Variants in TMPRSS15 observed in about 807,000 individuals in gnomAD.
The protein encoded by TMPRSS15 is enteropeptidase.
In TMPRSS15, 128 loss-of-function variants were observed where a neutral mutation model predicts 125.3. The observed-to-expected ratio is 1.02, with a 90% CI of 0.89 to 1.18. The LOEUF (loss-of-function observed/expected upper bound fraction) is 1.18, where lower values mean the gene tolerates loss of function less well. Among genes scored for constraint, TMPRSS15 ranks in the 50% most tolerant of loss-of-function variants. The pLI, the probability that TMPRSS15 is intolerant of heterozygous loss-of-function variation, is 0.00. For synonymous variants in TMPRSS15, 446 were observed against 423.2 expected (o/e 1.05, Z -0.66); for missense variants, 1,283 against 1,212.7 (o/e 1.06, Z -0.86).
At chr21:18,474,012 TAAAC>T (rs1978829103) in intron 1 of TMPRSS15, among the ~76,000 whole-genome samples, 2 of 152,290 alleles carry the variant, frequency 1.3e-5, no homozygotes, top group South Asian at 4.1e-4. Context: ...CAGATGGTAT[TAAAC>T]AAAGACTAGA....
rs999992893 is a variant in TMPRSS15, at chr21:18,269,704, TA to T, written c.*264del. 6 of 378,408 alleles carry T rather than the reference TA, an allele frequency of 1.6e-5. No homozygotes were observed. Among genetic ancestry groups the T allele is most frequent in the African/African-American group, 1.0e-4 (5 of 48,428 alleles). The allele number at this position is 378,408 out of a possible 1,614,324, so 23.4% of individuals were successfully genotyped here. A position where few individuals can be genotyped will look rare whatever the true frequency, so the allele number is the denominator to read the frequency against. Reference sequence around the variant, plus strand: ...TAATAAAAATAATCATTAAGAATTTTAAAAATGAGATCTGTGAAGAAATACC... The same window carrying T: ...TAATAAAAATAATCATTAAGAATTTTAAAATGAGATCTGTGAAGAAATACC... On this transcript the variant is annotated 3_prime_UTR_variant, in exon 25 of 25. Transcript: ENST00000284885.
At chr21:18,391,860 G>A (rs1490102134) in intron 3 of TMPRSS15, among the ~76,000 whole-genome samples, 1 of 152,248 alleles carries the variant, frequency 6.6e-6, no homozygotes, top group Non-Finnish European at 1.5e-5. Context: ...TCTAGGCAGA[G>A]GTTCCCAAAC....
chr21:18,457,511 G>A (rs868543263), intron 1 of TMPRSS15, among the ~76,000 whole-genome samples: 13 of 152,226 alleles, frequency 8.5e-5, no homozygotes, highest in Middle Eastern at 3.4e-3. Context: ...AAGTTTCAAT[G>A]TGTGATTATC....
intron 1 of TMPRSS15, among the ~76,000 whole-genome samples, chr21:18,416,846 C>T (rs1174550733): frequency 6.6e-6 from 1 of 152,012 alleles, no homozygotes; most frequent in East Asian, 1.9e-4. Flanking sequence ...ATTGATGACA[C>T]ATTTTCTATG....
intron 1 of TMPRSS15, among the ~76,000 whole-genome samples, chr21:18,423,230 T>TC (rs34548538): frequency 6.6e-6 from 1 of 152,044 alleles, no homozygotes; most frequent in African/African-American, 2.4e-5. Context: ...AATTGCCTCC[T>TC]CCCCCAACTG....
At chr21:18,277,272 A>G (rs1568976700) in intron 23 of TMPRSS15, among the ~76,000 whole-genome samples, 1 of 152,128 alleles carries the variant, frequency 6.6e-6, no homozygotes, top group Non-Finnish European at 1.5e-5. Flanking sequence ...TATCTTTAGT[A>G]ACAATAAGTA....
chr21:18,312,872 T>C, intron 18 of TMPRSS15, 73 bp downstream of exon 18: 1 of 1,576,508 alleles, frequency 6.3e-7, no homozygotes, highest in Admixed American at 1.7e-5. Flanking sequence ...TTTAAAGCTC[T>C]TATTAAACCT....
At chr21:18,419,094 A>G (rs1762003343) in intron 1 of TMPRSS15, among the ~76,000 whole-genome samples, 1 of 152,184 alleles carries the variant, frequency 6.6e-6, no homozygotes, top group Admixed American at 6.5e-5. Context: ...TTTATCTAAT[A>G]GTTGCTGAAG....
At chr21:18,333,860 A>ATC (rs1555899461) in intron 13 of TMPRSS15, among the ~76,000 whole-genome samples, 1 of 151,654 alleles carries the variant, frequency 6.6e-6, no homozygotes, top group Non-Finnish European at 1.5e-5. Context: ...TAATGTAAAA[A>ATC]ATCAACTATT....
intron 13 of TMPRSS15, among the ~76,000 whole-genome samples, chr21:18,340,221 G>C (rs140037015): frequency 6.6e-6 from 1 of 152,268 alleles, no homozygotes; most frequent in East Asian, 1.9e-4. Context: ...AGCACAGCTA[G>C]AATAAAAGCA....
intron 6 of TMPRSS15, 62 bp downstream of exon 6, chr21:18,372,131 T>A: frequency 7.0e-7 from 1 of 1,418,828 alleles, no homozygotes; most frequent in Non-Finnish European, 9.9e-7. Context: ...TGTGTGTGTG[T>A]GTGTGTGTCT....
chr21:18,474,647 G>T (rs2123286252), intron 1 of TMPRSS15, among the ~76,000 whole-genome samples: 1 of 152,262 alleles, frequency 6.6e-6, no homozygotes, highest in South Asian at 2.1e-4. Context: ...TGGCTGTTAT[G>T]ATCAACAAAG....
intron 14 of TMPRSS15, 139 bp downstream of exon 14, chr21:18,331,945 T>C (rs1052895995): frequency 2.8e-6 from 2 of 724,442 alleles, no homozygotes; most frequent in South Asian, 1.5e-5. Context: ...TTTTTGTTGT[T>C]ATATTAAGCA....
intron 1 of TMPRSS15, among the ~76,000 whole-genome samples, chr21:18,409,304 T>C (rs1406493538): frequency 6.6e-6 from 1 of 152,172 alleles, no homozygotes; most frequent in Admixed American, 6.5e-5. Flanking sequence ...TAAATTGGCA[T>C]TGATTATTCT....
chr21:18,468,959 C>T (rs974344331), intron 1 of TMPRSS15, among the ~76,000 whole-genome samples: 6 of 152,162 alleles, frequency 3.9e-5, no homozygotes, highest in Non-Finnish European at 8.8e-5. Context: ...ACGACTTCCT[C>T]TGAATGAAAG....
At chr21:18,329,436 C>A (rs192186457) in intron 14 of TMPRSS15, 142 bp from the exon 15 acceptor site, 19 of 726,146 alleles carry the variant, frequency 2.6e-5, no homozygotes, top group Middle Eastern at 9.4e-4. Flanking sequence ...CAAGGTGTTT[C>A]TTTTTTCTTT....
At chr21:18,429,053 A>C (rs1283620146) in intron 1 of TMPRSS15, among the ~76,000 whole-genome samples, 1 of 152,174 alleles carries the variant, frequency 6.6e-6, no homozygotes, top group Non-Finnish European at 1.5e-5. Context: ...CATCAGCATC[A>C]GTGTGACCTG....
chr21:18,442,423 A>AT, intron 1 of TMPRSS15, among the ~76,000 whole-genome samples: 1 of 152,144 alleles, frequency 6.6e-6, no homozygotes, highest in East Asian at 1.9e-4. Flanking sequence ...CCTTACATAT[A>AT]TTTTTCATTC....
At chr21:18,483,719 T>C (rs1400530449) in intron 1 of TMPRSS15, among the ~76,000 whole-genome samples, 1 of 151,942 alleles carries the variant, frequency 6.6e-6, no homozygotes, top group African/African-American at 2.4e-5. Context: ...ACAACTCATC[T>C]CACTTTTCTA....
Sources: allele counts gnomAD v4.1 joint callset (sites outside exome capture counted in the v4.1 genomes callset), GRCh38; gene constraint gnomAD v4.1.1; transcripts MANE v1.5; gene names NCBI Gene and HGNC (gene_info 2026-07-23, HGNC 2026-07-21).